Variants in AGBL4 observed in about 807,000 individuals in gnomAD.
AGBL4 encodes AGBL carboxypeptidase 4.
A neutral mutation model predicts 66.4 loss-of-function variants in AGBL4; 58 were observed. The observed-to-expected ratio is 0.87, with a 90% CI of 0.71 to 1.09. The LOEUF (loss-of-function observed/expected upper bound fraction) is 1.09. Among genes scored for constraint, AGBL4 ranks in the 50% least tolerant of loss-of-function variants. AGBL4 has a pLI of 0.00. For synonymous variants in AGBL4, 234 were observed against 222.9 expected (o/e 1.05, Z -0.44); for missense variants, 579 against 631.0 (o/e 0.92, Z 0.88).
At chr1:48,525,451 G>C in the AGBL4 span, among the ~76,000 whole-genome samples, 7 of 152,136 alleles carry the variant, frequency 4.6e-5, no homozygotes, top group Non-Finnish European at 1.0e-4. Flanking sequence ...GACACTTCAG[G>C]TTAAAAGCAT....
chr1:49,947,777 T>C (rs1034469641), intron 1 of AGBL4, among the ~76,000 whole-genome samples: 1 of 149,200 alleles, frequency 6.7e-6, no homozygotes, highest in Non-Finnish European at 1.5e-5. Context: ...ATTATATGAC[T>C]GTATACCTAG....
chr1:48,796,423 A>G (rs1645675196), intron 6 of AGBL4, among the ~76,000 whole-genome samples: 1 of 152,238 alleles, frequency 6.6e-6, no homozygotes, highest in African/African-American at 2.4e-5. Flanking sequence ...CAGTAAACTC[A>G]TAAAAACTGA....
intron 3 of AGBL4, among the ~76,000 whole-genome samples, chr1:49,675,311 T>C (rs1431610948): frequency 6.6e-6 from 1 of 152,054 alleles, no homozygotes; most frequent in Non-Finnish European, 1.5e-5. Flanking sequence ...GTTAATAATT[T>C]CATAACAGAA....
intron 5 of AGBL4, among the ~76,000 whole-genome samples, chr1:49,033,323 G>A (rs958608381): frequency 2.6e-5 from 4 of 152,088 alleles, no homozygotes; most frequent in Non-Finnish European, 4.4e-5. Flanking sequence ...AGGTGGATTA[G>A]GGGCTGATAA....
chr1:49,980,522 T>C (rs1192955636), intron 1 of AGBL4, among the ~76,000 whole-genome samples: 1 of 152,230 alleles, frequency 6.6e-6, no homozygotes, highest in African/African-American at 2.4e-5. Context: ...TCATACAGTA[T>C]TGTCTTTTTG....
intron 1 of AGBL4, among the ~76,000 whole-genome samples, chr1:49,898,858 G>C (rs1007818259): frequency 6.6e-6 from 1 of 152,146 alleles, no homozygotes; most frequent in Non-Finnish European, 1.5e-5. Flanking sequence ...AGTGAAGTAA[G>C]CTAGGCACAG....
At position 49,903,601 on chromosome 1, in the gene AGBL4, A is replaced by G. The variant is rs78638175; in HGVS notation, c.35-52083T>C. Among the ~76,000 whole-genome samples, 626 of 152,300 alleles carry G rather than the reference A, an allele frequency of 4.1e-3. 5 individuals carry two copies. Among genetic ancestry groups the G allele is most frequent in the Non-Finnish European group, 7.4e-3 (500 of 68,024 alleles). ...TCTGCCAACTGTAAAACAGGGGTTA[A>G]TATTACCTATCCCATAGATTTCTAT... On this transcript the variant is annotated intron_variant, in intron 1 of 13. Transcript: ENST00000371839.
intron 3 of AGBL4, among the ~76,000 whole-genome samples, chr1:49,682,691 A>T (rs1257673457): frequency 2.0e-5 from 3 of 152,220 alleles, no homozygotes; most frequent in African/African-American, 7.2e-5. Context: ...AGGGCTCCAC[A>T]ATGAGTAGGG....
At chr1:49,278,748 G>C (rs1444113049) in intron 3 of AGBL4, among the ~76,000 whole-genome samples, 1 of 151,946 alleles carries the variant, frequency 6.6e-6, no homozygotes, top group African/African-American at 2.4e-5. Context: ...TCTTCAGATG[G>C]ACTGAAGAAG....
chr1:49,805,564 GAGA>G (rs1178227060), intron 2 of AGBL4, among the ~76,000 whole-genome samples: 2 of 152,180 alleles, frequency 1.3e-5, no homozygotes, highest in East Asian at 1.9e-4. Flanking sequence ...ACAAGATACA[GAGA>G]AGAACTGCTG....
intron 3 of AGBL4, among the ~76,000 whole-genome samples, chr1:49,277,670 G>C (rs1170744762): frequency 6.7e-6 from 1 of 148,346 alleles, no homozygotes; most frequent in Non-Finnish European, 1.5e-5. Flanking sequence ...AATCTATTTA[G>C]AAGTGGGAAA....
intron 1 of AGBL4, among the ~76,000 whole-genome samples, chr1:49,878,370 C>T (rs1289713028): frequency 6.0e-5 from 9 of 149,364 alleles, no homozygotes; most frequent in East Asian, 5.8e-4. Flanking sequence ...TCTTTGTTCT[C>T]GTTGGTTTCA....
chr1:49,620,346 G>A (rs930527498), intron 3 of AGBL4, among the ~76,000 whole-genome samples: 19 of 152,046 alleles, frequency 1.2e-4, no homozygotes, highest in African/African-American at 4.6e-4. Context: ...CATTCATGTG[G>A]CCAACAAACA....
chr1:49,311,099 T>C (rs1189581198), intron 3 of AGBL4, among the ~76,000 whole-genome samples: 3 of 152,068 alleles, frequency 2.0e-5, no homozygotes, highest in Non-Finnish European at 4.4e-5. Context: ...TATTATTTAG[T>C]CCAAGACTTA....
At chr1:48,889,032 A>G (rs1650653407) in intron 5 of AGBL4, among the ~76,000 whole-genome samples, 1 of 152,204 alleles carries the variant, frequency 6.6e-6, no homozygotes, top group Non-Finnish European at 1.5e-5. Flanking sequence ...AAGCTAAAGG[A>G]GCCAAAGAGA....
At chr1:48,568,898 T>C (rs2148311947) in intron 11 of AGBL4, among the ~76,000 whole-genome samples, 1 of 152,324 alleles carries the variant, frequency 6.6e-6, no homozygotes, top group Non-Finnish European at 1.5e-5. Context: ...ATGGCACTTT[T>C]GGAATGCAAC....
chr1:49,382,036 G>A (rs1644627165), intron 3 of AGBL4, among the ~76,000 whole-genome samples: 1 of 151,910 alleles, frequency 6.6e-6, no homozygotes, highest in Non-Finnish European at 1.5e-5. Context: ...AGTTCCTGTA[G>A]CCACTGAAAC....
chr1:49,054,181 A>C (rs1269980288), intron 4 of AGBL4, among the ~76,000 whole-genome samples: 2 of 152,076 alleles, frequency 1.3e-5, no homozygotes, highest in Non-Finnish European at 1.5e-5. Flanking sequence ...GGTAGCTGTC[A>C]ATGTCTTTCC....
chr1:48,903,103 C>T (rs180777282), intron 5 of AGBL4, among the ~76,000 whole-genome samples: 24 of 152,306 alleles, frequency 1.6e-4, no homozygotes, highest in Non-Finnish European at 2.8e-4. Context: ...TTAGTTTGTG[C>T]TCTTTCAGCA....
Sources: allele counts gnomAD v4.1 joint callset (sites outside exome capture counted in the v4.1 genomes callset), GRCh38; gene constraint gnomAD v4.1.1; transcripts MANE v1.5; gene names NCBI Gene and HGNC (gene_info 2026-07-23, HGNC 2026-07-21).